Variants in HIPK1 observed in about 807,000 individuals in gnomAD.
The protein encoded by HIPK1 is homeodomain interacting protein kinase 1.
HIPK1 carries 28 observed loss-of-function variants against 117.1 expected under a neutral mutation model. That is an observed-to-expected ratio of 0.24 (90% confidence interval 0.18 to 0.33). The LOEUF is 0.33. Among genes scored for constraint, HIPK1 ranks in the 10% least tolerant of loss-of-function variants. The pLI is 1.00. For missense variants in HIPK1, 1,122 were observed against 1,475.1 expected, an observed-to-expected ratio of 0.76 and a Z score of 3.92; for synonymous variants, 605 against 562.5, an observed-to-expected ratio of 1.08 and a Z score of -1.07.
Position 113,977,153 on chromosome 1 carries a change from C to G in HIPK1, c.*3641C>G, listed in dbSNP as rs1422910878. ...TTCAGCATTATTATGCAAAAATTCACTAGTTGAGATGGTTTGTTTTAGGAT... is the reference window on the plus strand; with the variant it reads ...TTCAGCATTATTATGCAAAAATTCAGTAGTTGAGATGGTTTGTTTTAGGAT... On this transcript the variant is annotated 3_prime_UTR_variant, in exon 16 of 16. Transcript: ENST00000426820. The G allele has an allele frequency of 6.6e-6, 1 of 152,280 alleles. No homozygotes were observed. The highest frequency in any genetic ancestry group is 1.9e-4 in the East Asian group (1 of 5,326). The allele number at this position is 152,280 out of a possible 1,614,324, so 9.4% of individuals were successfully genotyped here.
intron 5 of HIPK1, 114 bp from the exon 6 acceptor site, chr1:113,956,513 G>T: frequency 1.8e-6 from 1 of 560,900 alleles, no homozygotes; most frequent in Non-Finnish European, 2.9e-6. Context: ...ATTTCCCCAG[G>T]TTTCTCTTTT....
rs1030091330 is a variant in HIPK1 at position 113,940,866 on chromosome 1, T to C, written c.483T>C (p.Thr161=). The stretch of plus-strand genomic sequence containing the variant: ...TGGGTGCTGCTGCCACAACCACCAC[T>C]GTGACCACAAAGAGTAGCAGTTCCA... ...TVVGAAATTT[T]VTTKSSSSSG... is the part of the protein sequence containing the mutation. The change falls in exon 2 of 16, where the codon ACT becomes ACC. Residue 161 remains threonine (T), a synonymous_variant. Coordinates refer to ENST00000426820, the MANE Select transcript of HIPK1 (RefSeq NM_198268.3). 2.5e-6 allele frequency: 4 copies of C among 1,614,126 alleles called. No individual in the cohort carries two copies. The highest frequency in any genetic ancestry group is 2.5e-6 in the Non-Finnish European group (3 of 1,180,032).
Position 113,967,920 on chromosome 1 carries a change from A to G in HIPK1, c.2536A>G (p.Asn846Asp). The G allele has an allele frequency of 6.2e-7, 1 of 1,608,758 alleles. No homozygotes were observed. The highest frequency in any genetic ancestry group is 8.5e-7 in the Non-Finnish European group (1 of 1,178,778). ...ATCCAGTTCCCTCCCTTCGAAGAAG[A>G]ATAAGCAGTCAGCTCCAGTCTCTTC... is the stretch of plus-strand genomic sequence containing the variant. The part of the protein sequence containing the change: ...QQSSSLPSKK[N>D]KQSAPVSSKS... Residue 846 changes from asparagine to aspartate, a missense_variant, in exon 12 of 16, where the codon AAT becomes GAT. This residue lies in a region of HIPK1 where 731 missense variants were observed against 860.4 expected (regional missense o/e 0.85). Transcript: ENST00000426820.
At position 113,961,608 on chromosome 1, in the gene HIPK1, G is replaced by T. The variant is rs560438854; in HGVS notation, c.1982-709G>T. ...TTATACTTAAGCCTTTGCTTTTAAA[G>T]ATTAGAATTTTAAAAACAAGTTTTT... On this transcript the variant is annotated intron_variant, in intron 8 of 15. Transcript: ENST00000426820. Among the ~76,000 whole-genome samples the T allele has an allele frequency of 2.2e-4, 33 of 152,194 alleles. No individual in the cohort carries two copies. In the South Asian group the frequency reaches 6.6e-3, roughly 31 times the overall value.
chr1:113,956,508 C>A (rs1671736565), intron 5 of HIPK1, 119 bp from the exon 6 acceptor site: 1 of 540,550 alleles, frequency 1.8e-6, no homozygotes, highest in Non-Finnish European at 3.1e-6. Context: ...AAAGAATTTC[C>A]CCAGGTTTCT....
chr1:113,967,709 G>A, intron 11 of HIPK1, 57 bp from the exon 12 acceptor site: 1 of 1,286,532 alleles, frequency 7.8e-7, no homozygotes, highest in Middle Eastern at 2.7e-4. Flanking sequence ...TGTCTGTTTG[G>A]TCCTGATTCT....
At position 113,957,196 on chromosome 1, in the gene HIPK1, C is replaced by G; in HGVS notation, c.1665C>G (p.Ile555Met). Residue 555 changes from isoleucine to methionine, a missense_variant, in exon 7 of 16, where the codon ATC becomes ATG. Ile to Met is a conservative substitution (Grantham distance 10). Around this residue, in one of 6 missense-constraint regions of HIPK1, gnomAD observed 731 missense variants for 860.4 expected, o/e 0.85. Transcript: ENST00000426820. The stretch of plus-strand genomic sequence containing the variant: ...ACATGTATGATACAGTGAGTCAGAT[C>G]AAGAGTCCCTTCACTACACATGTTG... ...RVHMYDTVSQ[I>M]KSPFTTHVAP... The G allele has an allele frequency of 6.2e-7, 1 of 1,613,288 alleles. No homozygotes were observed. Among genetic ancestry groups the G allele is most frequent in the Non-Finnish European group, 8.5e-7 (1 of 1,179,294 alleles).
chr1:113,968,313 T>A, intron 12 of HIPK1, 129 bp from the exon 13 acceptor site: 1 of 722,978 alleles, frequency 1.4e-6, no homozygotes, highest in Non-Finnish European at 2.4e-6. Context: ...ACTTATATAG[T>A]TAAATGTATT....
intron 10 of HIPK1, among the ~76,000 whole-genome samples, chr1:113,965,771 G>A (rs1183879739): frequency 6.6e-6 from 1 of 151,892 alleles, no homozygotes; most frequent in Non-Finnish European, 1.5e-5. Context: ...CTCTTTCTAG[G>A]GATTTATTTT....
chr1:113,935,109 C>G (rs1670169268), intron 1 of HIPK1, among the ~76,000 whole-genome samples: 1 of 149,976 alleles, frequency 6.7e-6, no homozygotes, highest in Non-Finnish European at 1.5e-5. Context: ...GTTTGGTGTA[C>G]AGATATTTTG....
At chr1:113,946,088 A>G (rs185990235) in intron 2 of HIPK1, among the ~76,000 whole-genome samples, 3 of 152,288 alleles carry the variant, frequency 2.0e-5, no homozygotes, top group Non-Finnish European at 4.4e-5. Flanking sequence ...AACCTTGGCT[A>G]ACTTTAAGAA....
chr1:113,936,333 A>G (rs1448165400), intron 1 of HIPK1, among the ~76,000 whole-genome samples: 1 of 152,210 alleles, frequency 6.6e-6, no homozygotes, highest in East Asian at 1.9e-4. Context: ...AAAATATCCT[A>G]GAACTTGTAC....
At chr1:113,969,014 C>T (rs1045961995) in intron 13 of HIPK1, among the ~76,000 whole-genome samples, 23 of 152,208 alleles carry the variant, frequency 1.5e-4, no homozygotes, top group African/African-American at 3.6e-4. Context: ...AGCAAGACTG[C>T]ATCCCCTCCC....
At chr1:113,957,313 C>T (rs545255578) in intron 7 of HIPK1, 27 bp downstream of exon 7, 32 of 1,581,774 alleles carry the variant, frequency 2.0e-5, no homozygotes, top group Non-Finnish European at 2.6e-5. Context: ...TTTGGAAACT[C>T]AAGCTTAAGT....
At chr1:113,949,895 C>T (rs908962636) in intron 2 of HIPK1, among the ~76,000 whole-genome samples, 7 of 152,114 alleles carry the variant, frequency 4.6e-5, no homozygotes, top group Admixed American at 3.3e-4. Context: ...CCACCGCACC[C>T]GGCCAGTTAT....
intron 1 of HIPK1, among the ~76,000 whole-genome samples, chr1:113,939,389 C>A (rs1670497295): frequency 6.7e-6 from 1 of 150,290 alleles, no homozygotes; most frequent in South Asian, 2.1e-4. Context: ...CACCATGTTG[C>A]CCAGGCTGGA....
chr1:113,937,421 C>A (rs1670324949), intron 1 of HIPK1, among the ~76,000 whole-genome samples: 1 of 151,584 alleles, frequency 6.6e-6, no homozygotes, highest in Non-Finnish European at 1.5e-5. Flanking sequence ...AGAGACTTCC[C>A]CCATGACTCA....
intron 2 of HIPK1, among the ~76,000 whole-genome samples, chr1:113,944,373 A>G (rs1670851426): frequency 6.6e-6 from 1 of 151,394 alleles, no homozygotes; most frequent in Non-Finnish European, 1.5e-5. Context: ...CATGTTGGCC[A>G]GGCTGGTCTC....
At chr1:113,968,703 C>A in intron 13 of HIPK1, 55 bp downstream of exon 13, 1 of 1,427,230 alleles carries the variant, frequency 7.0e-7, no homozygotes, top group Non-Finnish European at 9.9e-7. Flanking sequence ...TGGCCTCAGG[C>A]AAGTGGGCCC....
Sources: gnomAD v4.1 joint callset for allele counts (sites outside exome capture counted in the v4.1 genomes callset) on GRCh38, gnomAD v4.1.1 for gene constraint, gnomAD v4.1.1 regional missense constraint, MANE v1.5 for transcripts, NCBI Gene and HGNC (gene_info 2026-07-23, HGNC 2026-07-21) for gene names.